The following R3HDM2 variants were observed in gnomAD, a reference collection of about 807,000 sequenced individuals.
R3HDM2 encodes R3H domain containing 2.
R3HDM2 carries 38 observed loss-of-function variants against 124.5 expected under a neutral mutation model. The observed-to-expected ratio is 0.31, with a 90% CI of 0.24 to 0.40. The LOEUF is 0.40. Among genes scored for constraint, R3HDM2 ranks in the 10% least tolerant of loss-of-function variants. The pLI, the probability that R3HDM2 is intolerant of heterozygous loss-of-function variation, is 1.00. For synonymous variants in R3HDM2, 391 were observed against 448.0 expected (o/e 0.87, Z 1.61); for missense variants, 869 against 1,236.9 (o/e 0.70, Z 4.46).
intron 2 of R3HDM2, among the ~76,000 whole-genome samples, chr12:57,339,843 A>G (rs1443489344): frequency 6.6e-6 from 1 of 152,186 alleles, no homozygotes; most frequent in Non-Finnish European, 1.5e-5. Context: ...TCCAACATAT[A>G]TATCACATTT....
intron 2 of R3HDM2, among the ~76,000 whole-genome samples, chr12:57,351,101 C>CA (rs2060631741): frequency 6.6e-6 from 1 of 151,626 alleles, no homozygotes; most frequent in Non-Finnish European, 1.5e-5. Context: ...GACTCTGTCT[C>CA]AAAAAATAAA....
intron 2 of R3HDM2, among the ~76,000 whole-genome samples, chr12:57,352,241 CAA>C (rs776229504): frequency 3.9e-4 from 19 of 48,480 alleles, no homozygotes; most frequent in African/African-American, 9.5e-4. Flanking sequence ...GACTCCATCT[CAA>C]AAAAAAAAAA....
At chr12:57,349,317 T>C (rs1269383097) in intron 2 of R3HDM2, among the ~76,000 whole-genome samples, 7 of 136,696 alleles carry the variant, frequency 5.1e-5, no homozygotes, top group African/African-American at 2.0e-4. Flanking sequence ...GAGGCAGAGC[T>C]TGCAGTGAGC....
In R3HDM2 at chr12:57,269,805, G is replaced by A. The variant is rs765835493; in HGVS notation, c.1534C>T (p.Pro512Ser). 20 of 1,614,092 alleles carry A rather than the reference G, an allele frequency of 1.2e-5. No homozygotes were observed. Among genetic ancestry groups the A allele is most frequent in the Admixed American group, 1.7e-5 (1 of 60,006 alleles). ...GGTGGCAGAACTTGCTGAGTAGGTG[G>A]TGCATGGCTAGAGGTGGAATAGTTG... is the stretch of plus-strand genomic sequence containing the variant. The part of the protein sequence containing the change: ...TSNYSTSSHA[P>S]PTQQVLPPQG... The change falls in exon 15 of 24, where the codon CCA becomes TCA. Residue 512 changes from proline (P) to serine (S), a missense_variant. Coordinates refer to ENST00000402412, the MANE Select transcript of R3HDM2 (RefSeq NM_001394031.1).
chr12:57,347,710 T>C (rs2060217168), intron 2 of R3HDM2, among the ~76,000 whole-genome samples: 1 of 152,232 alleles, frequency 6.6e-6, no homozygotes, highest in Admixed American at 6.5e-5. Flanking sequence ...TGTGGTATTT[T>C]GCAACAGCAG....
chr12:57,287,869 C>CT (rs1344052716), intron 12 of R3HDM2, among the ~76,000 whole-genome samples: 2 of 152,038 alleles, frequency 1.3e-5, no homozygotes, highest in Non-Finnish European at 2.9e-5. Flanking sequence ...AAGGGAGGGT[C>CT]TTATACCTGC....
Position 57,269,809 on chromosome 12 carries a change from A to G in R3HDM2, c.1530T>C (p.His510=). ...GCAGAACTTGCTGAGTAGGTGGTGCATGGCTAGAGGTGGAATAGTTGGAAG... is the reference window on the plus strand; with the variant it reads ...GCAGAACTTGCTGAGTAGGTGGTGCGTGGCTAGAGGTGGAATAGTTGGAAG... The part of the protein sequence containing the change: ...LPTSNYSTSS[H]APPTQQVLPP... Residue 510 remains histidine (H), a synonymous_variant, in exon 15 of 24, where the codon CAT becomes CAC. Transcript: ENST00000402412. 6.2e-7 allele frequency: 1 copy of G among 1,614,186 alleles called. No individual in the cohort carries two copies. Among genetic ancestry groups the G allele is most frequent in the Non-Finnish European group, 8.5e-7 (1 of 1,180,034 alleles).
At position 57,310,447 on chromosome 12, in the gene R3HDM2, G is replaced by T; in HGVS notation, c.-19C>A. 2.0e-6 allele frequency: 3 copies of T among 1,506,500 alleles called. No individual in the cohort carries two copies. Among genetic ancestry groups the T allele is most frequent in the Non-Finnish European group, 2.7e-6 (3 of 1,128,814 alleles). 93.3% of individuals were successfully genotyped at this position (1,506,500 alleles called of 1,614,324 possible). A position where few individuals can be genotyped will look rare whatever the true frequency, so the allele number is the denominator to read the frequency against. ...TAGACATGTTCTTCAATAGAATACAGTGGCCTCTATGGACTCCTAAAGAAA... is the reference window on the plus strand; with the variant it reads ...TAGACATGTTCTTCAATAGAATACATTGGCCTCTATGGACTCCTAAAGAAA... On this transcript the variant is annotated 5_prime_UTR_variant, in exon 3 of 24. The change creates a new upstream start codon in the 5' untranslated region. Transcript: ENST00000402412.
chr12:57,275,502 A>G (rs1333352569), intron 14 of R3HDM2, among the ~76,000 whole-genome samples: 4 of 33,964 alleles, frequency 1.2e-4, no homozygotes, highest in Non-Finnish European at 1.8e-4. Context: ...GTTTGCATGG[A>G]AAAAAAAAAA....
chr12:57,377,665 CAGCA>C (rs2064272757), intron 2 of R3HDM2, among the ~76,000 whole-genome samples: 1 of 152,144 alleles, frequency 6.6e-6, no homozygotes, highest in Non-Finnish European at 1.5e-5. Flanking sequence ...GTGCATTGGG[CAGCA>C]AGCCCCTTTT....
intron 15 of R3HDM2, 92 bp from the exon 16 acceptor site, chr12:57,269,541 G>C: frequency 2.0e-6 from 3 of 1,525,798 alleles, no homozygotes; most frequent in Non-Finnish European, 2.7e-6. Context: ...TTGATGGCCA[G>C]AAATATGTAA....
chr12:57,316,753 T>A (rs868330004), intron 2 of R3HDM2, among the ~76,000 whole-genome samples: 29 of 142,552 alleles, frequency 2.0e-4, no homozygotes, highest in South Asian at 1.1e-3. Context: ...GCCCAGCTAT[T>A]TTTTTTTTTT....
intron 2 of R3HDM2, among the ~76,000 whole-genome samples, chr12:57,366,585 C>T (rs1365927405): frequency 6.6e-6 from 1 of 152,156 alleles, no homozygotes; most frequent in Non-Finnish European, 1.5e-5. Context: ...TTCTCTGATG[C>T]TTTGTATACC....
intron 1 of R3HDM2, among the ~76,000 whole-genome samples, chr12:57,413,420 C>A (rs1340555265): frequency 6.9e-6 from 1 of 144,898 alleles, no homozygotes; most frequent in Non-Finnish European, 1.5e-5. Flanking sequence ...ATAGTGCAAC[C>A]TTCTATTTAA....
chr12:57,344,406 T>C (rs1593621688), intron 2 of R3HDM2, among the ~76,000 whole-genome samples: 1 of 152,324 alleles, frequency 6.6e-6, no homozygotes, highest in South Asian at 2.1e-4. Context: ...CTGACATTCA[T>C]GACATAATAT....
intron 1 of R3HDM2, among the ~76,000 whole-genome samples, chr12:57,408,948 TTTC>T (rs767214337): frequency 6.6e-6 from 1 of 152,098 alleles, no homozygotes; most frequent in East Asian, 1.9e-4. Flanking sequence ...CCACGATGCC[TTTC>T]TATATTGACT....
intron 1 of R3HDM2, among the ~76,000 whole-genome samples, chr12:57,417,031 T>C (rs1028350826): frequency 1.3e-5 from 2 of 151,072 alleles, no homozygotes; most frequent in Non-Finnish European, 2.9e-5. Flanking sequence ...GACAAGAGAA[T>C]TGCTTGAACC....
intron 1 of R3HDM2, among the ~76,000 whole-genome samples, chr12:57,403,610 A>G (rs1294403327): frequency 6.6e-6 from 1 of 152,070 alleles, no homozygotes; most frequent in Non-Finnish European, 1.5e-5. Flanking sequence ...GGAATTCGAG[A>G]CCAGCCTGGG....
intron 1 of R3HDM2, among the ~76,000 whole-genome samples, chr12:57,407,108 G>C (rs1197458297): frequency 6.6e-6 from 1 of 151,766 alleles, no homozygotes; most frequent in Non-Finnish European, 1.5e-5. Flanking sequence ...AAATTAGCTG[G>C]GCATGGTGAT....
Sources: allele counts gnomAD v4.1 joint callset (sites outside exome capture counted in the v4.1 genomes callset), GRCh38; gene constraint gnomAD v4.1.1; transcripts MANE v1.5; gene names NCBI Gene and HGNC (gene_info 2026-07-23, HGNC 2026-07-21).